ZNF180: variants seen among roughly 807,000 people sequenced by gnomAD.
The protein encoded by ZNF180 is zinc finger protein 180 (HHZ168).
In ZNF180, 11 loss-of-function variants were observed where a neutral mutation model predicts 11.8. The ratio of observed to expected loss-of-function variants is 0.93; its 90% CI spans 0.59 to 1.55. The LOEUF is 1.55. ZNF180 is among the 40% of genes most tolerant of loss of function. The pLI, the probability that ZNF180 is intolerant of heterozygous loss-of-function variation, is 0.00. For synonymous variants in ZNF180, 287 were observed against 257.7 expected (o/e 1.11, Z -1.09); for missense variants, 773 against 781.7 (o/e 0.99, Z 0.13).
rs1022662669 is a variant in ZNF180, at chr19:44,500,347, G to C, written c.-116C>G. The C allele has an allele frequency of 4.1e-6, 6 of 1,458,342 alleles. No individual in the cohort carries two copies. In the African/African-American group the frequency reaches 8.2e-5, roughly 20 times the overall value. The allele number at this position is 1,458,342 out of a possible 1,614,324, so 90.3% of individuals were successfully genotyped here. ...AGTGCCTAGCACGGCTCTGCGGCAGGACGAACTCGGGTTAGGCAACCCCCT... is the reference window on the plus strand; with the variant it reads ...AGTGCCTAGCACGGCTCTGCGGCAGCACGAACTCGGGTTAGGCAACCCCCT... On this transcript the variant is annotated 5_prime_UTR_variant, in exon 1 of 5. Transcript: ENST00000592529.
chr19:44,478,278 A>G, intron 4 of ZNF180, 132 bp from the exon 5 acceptor site: 1 of 919,636 alleles, frequency 1.1e-6, no homozygotes, highest in Non-Finnish European at 1.6e-6. Flanking sequence ...CTAGGTTGAA[A>G]AAGCAAAAGG....
At chr19:44,487,911 G>A (rs1423193610) in intron 2 of ZNF180, among the ~76,000 whole-genome samples, 1 of 152,102 alleles carries the variant, frequency 6.6e-6, no homozygotes, top group South Asian at 2.1e-4. Context: ...ATTTTTTGTA[G>A]AGATGGGGTT....
At chr19:44,484,503 C>G (rs2123460158) in intron 2 of ZNF180, 68 bp from the exon 3 acceptor site, 4 of 1,119,590 alleles carry the variant, frequency 3.6e-6, no homozygotes, top group Middle Eastern at 3.9e-4. Context: ...CAAATCTCCT[C>G]CGGTCAGTGG....
Position 44,474,635 on chromosome 19 carries a change from G to A in ZNF180, c.*1767C>T, listed in dbSNP as rs1033277387. On this transcript the variant is annotated 3_prime_UTR_variant, in exon 5 of 5. Coordinates refer to ENST00000592529, the MANE Select transcript of ZNF180 (RefSeq NM_001278509.3). Reference sequence around the variant, plus strand: ...TCATATCCCCTTTGTGCTTCTTAAAGATGGTTAAAATAGGACAGACAGACT... The same window carrying A: ...TCATATCCCCTTTGTGCTTCTTAAAAATGGTTAAAATAGGACAGACAGACT... 2.0e-5 allele frequency: 3 copies of A among 152,126 alleles called. No homozygotes were observed. Among genetic ancestry groups the A allele is most frequent in the Non-Finnish European group, 4.4e-5 (3 of 68,034 alleles). 9.4% of individuals were successfully genotyped at this position (152,126 alleles called of 1,614,324 possible).
At chr19:44,489,708 C>T (rs1970372798) in intron 2 of ZNF180, among the ~76,000 whole-genome samples, 1 of 137,342 alleles carries the variant, frequency 7.3e-6, no homozygotes, top group African/African-American at 2.7e-5. Flanking sequence ...AAATCCCCCT[C>T]TGCGAGAAAC....
At chr19:44,491,216 G>A (rs1292708384) in intron 2 of ZNF180, among the ~76,000 whole-genome samples, 1 of 152,234 alleles carries the variant, frequency 6.6e-6, no homozygotes, top group African/African-American at 2.4e-5. Flanking sequence ...GCAAAGCTGA[G>A]CTCAAGCCCC....
chr19:44,480,686 A>C (rs765353862), intron 3 of ZNF180, among the ~76,000 whole-genome samples: 1 of 152,252 alleles, frequency 6.6e-6, no homozygotes, highest in Non-Finnish European at 1.5e-5. Context: ...TGTTTCATAT[A>C]CACCTTAAAC....
In ZNF180 at chr19:44,476,291, T is replaced by A; in HGVS notation, c.*111A>T. ...ACACAATTAACAGAGGGCTGGAAGTTTTCCCACATATATTGTTTTTATAGT... is the reference window on the plus strand; with the variant it reads ...ACACAATTAACAGAGGGCTGGAAGTATTCCCACATATATTGTTTTTATAGT... On this transcript the variant is annotated 3_prime_UTR_variant, in exon 5 of 5. Transcript: ENST00000592529. 9.3e-7 allele frequency: 1 copy of A among 1,071,030 alleles called. No individual in the cohort carries two copies. Among genetic ancestry groups the A allele is most frequent in the South Asian group, 2.0e-5 (1 of 50,254 alleles). 66.3% of individuals were successfully genotyped at this position (1,071,030 alleles called of 1,614,324 possible).
intron 4 of ZNF180, 125 bp downstream of exon 4, chr19:44,479,158 G>A: frequency 8.7e-7 from 1 of 1,143,844 alleles, no homozygotes; most frequent in Non-Finnish European, 1.2e-6. Flanking sequence ...GGGGAATAAA[G>A]AGCACAAACA....
intron 3 of ZNF180, among the ~76,000 whole-genome samples, chr19:44,481,088 G>C (rs1174390933): frequency 1.3e-5 from 2 of 152,148 alleles, no homozygotes; most frequent in Non-Finnish European, 1.5e-5. Context: ...GCAGGAAAGG[G>C]CCTGTTCTTA....
At position 44,500,325 on chromosome 19, in the gene ZNF180, G is replaced by T; in HGVS notation, c.-94C>A. 1 of 1,549,570 alleles carries T rather than the reference G, an allele frequency of 6.5e-7. No homozygotes were observed. The highest frequency in any genetic ancestry group is 1.1e-5 in the South Asian group (1 of 89,574). ...AGGCTGGGCCTGTCACCGCCTCAGT[G>T]CCTAGCACGGCTCTGCGGCAGGACG... is the stretch of plus-strand genomic sequence containing the variant. On this transcript the variant is annotated 5_prime_UTR_variant, in exon 1 of 5. Coordinates refer to ENST00000592529, the MANE Select transcript of ZNF180 (RefSeq NM_001278509.3).
chr19:44,483,029 A>G (rs1175730005), intron 3 of ZNF180, among the ~76,000 whole-genome samples: 3 of 152,228 alleles, frequency 2.0e-5, no homozygotes, highest in African/African-American at 7.2e-5. Context: ...AATTGTCATA[A>G]AACACTCCAC....
chr19:44,499,624 T>C (rs958717571), intron 1 of ZNF180, among the ~76,000 whole-genome samples: 1 of 152,184 alleles, frequency 6.6e-6, no homozygotes, highest in Non-Finnish European at 1.5e-5. Context: ...AACCTGTTTC[T>C]AGGCCCTGAT....
At chr19:44,483,667 A>G (rs952285268) in intron 3 of ZNF180, among the ~76,000 whole-genome samples, 2 of 143,466 alleles carry the variant, frequency 1.4e-5, no homozygotes, top group Non-Finnish European at 3.2e-5. Context: ...AAGCTTTCAA[A>G]TAATTCCCTC....
Position 44,475,761 on chromosome 19 carries a change from A to G in ZNF180, c.*641T>C, listed in dbSNP as rs1204621668. 6.6e-6 allele frequency: 1 copy of G among 152,286 alleles called. No individual in the cohort carries two copies. Among genetic ancestry groups the G allele is most frequent in the Non-Finnish European group, 1.5e-5 (1 of 68,058 alleles). 9.4% of individuals were successfully genotyped at this position (152,286 alleles called of 1,614,324 possible). The stretch of plus-strand genomic sequence containing the variant: ...ATAGATACATCCATAATCCCTTTCT[A>G]TTCTAATCCATACACAAATATTTTA... On this transcript the variant is annotated 3_prime_UTR_variant, in exon 5 of 5. Coordinates refer to ENST00000592529, the MANE Select transcript of ZNF180 (RefSeq NM_001278509.3).
rs1969846659 is a variant in ZNF180, at chr19:44,475,709, A to C, written c.*693T>G. 1 of 152,216 alleles carries C rather than the reference A, an allele frequency of 6.6e-6. No individual in the cohort carries two copies. Among genetic ancestry groups the C allele is most frequent in the Non-Finnish European group, 1.5e-5 (1 of 68,032 alleles). The allele number at this position is 152,216 out of a possible 1,614,324, so 9.4% of individuals were successfully genotyped here. On this transcript the variant is annotated 3_prime_UTR_variant, in exon 5 of 5. Coordinates refer to ENST00000592529, the MANE Select transcript of ZNF180 (RefSeq NM_001278509.3). ...CATAACAGCGTACATTCCAAAAAGG[A>C]AGGCCCAACATAAACTGAGAAATTG...
At chr19:44,480,336 T>C (rs1970045582) in intron 3 of ZNF180, among the ~76,000 whole-genome samples, 1 of 152,156 alleles carries the variant, frequency 6.6e-6, no homozygotes, top group African/African-American at 2.4e-5. Flanking sequence ...GACTCCTGTG[T>C]TCAAGGAATC....
chr19:44,500,409 T>C lies in ZNF180; in HGVS notation c.-178A>G, dbSNP rs576413061. On this transcript the variant is annotated 5_prime_UTR_variant, in exon 1 of 5. Transcript: ENST00000592529. ...GCAACACGGCCGACTCGGGTTAAGC[T>C]AGTTCGGTCCCCTCTCCTAGTCAGC... 7.6e-5 allele frequency: 58 copies of C among 761,642 alleles called. No homozygotes were observed. In the African/African-American group the frequency reaches 8.5e-4, roughly 11 times the overall value. The allele number at this position is 761,642 out of a possible 1,614,324, so 47.2% of individuals were successfully genotyped here.
intron 3 of ZNF180, among the ~76,000 whole-genome samples, chr19:44,482,672 C>A (rs1451418005): frequency 6.6e-6 from 1 of 152,136 alleles, no homozygotes; most frequent in Non-Finnish European, 1.5e-5. Context: ...GTATAGTCAG[C>A]TGATGAGAAT....
Sources: allele counts gnomAD v4.1 joint callset (sites outside exome capture counted in the v4.1 genomes callset), GRCh38; gene constraint gnomAD v4.1.1; transcripts MANE v1.5; gene names NCBI Gene and HGNC (gene_info 2026-07-23, HGNC 2026-07-21).